TMEM132C: variants seen among roughly 807,000 people sequenced by gnomAD.
The protein encoded by TMEM132C is protein phosphatase 1, regulatory subunit 152.
TMEM132C carries 29 observed loss-of-function variants against 61.4 expected under a neutral mutation model. That is an observed-to-expected ratio of 0.47 (90% CI 0.35 to 0.64). TMEM132C has a LOEUF of 0.64. Among genes scored for constraint, TMEM132C ranks in the 30% least tolerant of loss-of-function variants. TMEM132C has a pLI of 0.00. For missense variants in TMEM132C, 1,408 were observed against 1,476.9 expected (o/e 0.95, Z 0.76); for synonymous variants, 656 against 633.1 (o/e 1.04, Z -0.54).
At chr12:128,619,365 T>C (rs1312428919) in intron 4 of TMEM132C, among the ~76,000 whole-genome samples, 1 of 152,168 alleles carries the variant, frequency 6.6e-6, no homozygotes, top group East Asian at 1.9e-4. Flanking sequence ...GCCACAGCAT[T>C]CCCCGTCACC....
chr12:128,704,321 G>A (rs746064956), intron 8 of TMEM132C, among the ~76,000 whole-genome samples: 1 of 152,110 alleles, frequency 6.6e-6, no homozygotes, highest in Non-Finnish European at 1.5e-5. Context: ...GAAGTATAGT[G>A]AGTCTGCAAA....
chr12:128,592,179 G>A (rs1004235604), intron 3 of TMEM132C, among the ~76,000 whole-genome samples: 1 of 152,172 alleles, frequency 6.6e-6, no homozygotes, highest in African/African-American at 2.4e-5. Flanking sequence ...GGGCCAGGCA[G>A]GCTCCAGGTC....
intron 1 of TMEM132C, among the ~76,000 whole-genome samples, chr12:128,348,983 C>G (rs1418830819): frequency 1.3e-5 from 2 of 151,826 alleles, no homozygotes; most frequent in East Asian, 3.9e-4. Flanking sequence ...ATTTGTAACC[C>G]TGAAGTGGTA....
intron 2 of TMEM132C, among the ~76,000 whole-genome samples, chr12:128,443,982 G>A (rs1262448253): frequency 6.6e-6 from 1 of 152,116 alleles, no homozygotes; most frequent in Non-Finnish European, 1.5e-5. Context: ...CAGTGCTGTG[G>A]TACCAGTCAT....
At chr12:128,600,229 A>G (rs7486929) in intron 3 of TMEM132C, among the ~76,000 whole-genome samples, 64,715 of 151,612 alleles carry the variant, frequency 0.43, 13,819 homozygotes, top group Middle Eastern at 0.53. Context: ...TGATCTGCCC[A>G]CCTCGGCCTC....
chr12:128,384,287 C>T (rs565977113), intron 1 of TMEM132C, among the ~76,000 whole-genome samples: 35 of 152,212 alleles, frequency 2.3e-4, no homozygotes, highest in Admixed American at 5.9e-4. Context: ...GATCTGGGGG[C>T]GCACCCTCCC....
chr12:128,275,613 C>A (rs1429119867), intron 1 of TMEM132C, among the ~76,000 whole-genome samples: 1 of 152,072 alleles, frequency 6.6e-6, no homozygotes, highest in Non-Finnish European at 1.5e-5. Flanking sequence ...ACAATCCCCC[C>A]ACCCCCTGGT....
chr12:128,571,173 A>C (rs1326538283), intron 3 of TMEM132C, among the ~76,000 whole-genome samples: 5 of 152,198 alleles, frequency 3.3e-5, no homozygotes, highest in Non-Finnish European at 7.3e-5. Context: ...GTAGAACAGA[A>C]ACTTGGAAAC....
intron 4 of TMEM132C, 110 bp downstream of exon 4, chr12:128,616,445 C>A: frequency 8.8e-7 from 1 of 1,141,258 alleles, no homozygotes; most frequent in Non-Finnish European, 1.2e-6. Context: ...GGAGTGTTTA[C>A]TTTCAAAGTT....
intron 2 of TMEM132C, among the ~76,000 whole-genome samples, chr12:128,468,174 A>C (rs1335353333): frequency 1.3e-5 from 2 of 152,136 alleles, no homozygotes; most frequent in Non-Finnish European, 2.9e-5. Context: ...AGCGGTCCAG[A>C]GGGAACACCA....
intron 1 of TMEM132C, among the ~76,000 whole-genome samples, chr12:128,353,569 CT>C (rs1458753857): frequency 1.3e-5 from 2 of 152,230 alleles, no homozygotes; most frequent in Non-Finnish European, 2.9e-5. Context: ...ATTGCCCCTA[CT>C]TTGCGCAGCT....
intron 3 of TMEM132C, among the ~76,000 whole-genome samples, chr12:128,600,981 A>G (rs998039763): frequency 1.3e-5 from 2 of 152,168 alleles, no homozygotes; most frequent in African/African-American, 2.4e-5. Flanking sequence ...ATCCTTTTGC[A>G]TAGTTAATTC....
intron 1 of TMEM132C, among the ~76,000 whole-genome samples, chr12:128,340,942 C>T (rs11059654): frequency 4.1e-4 from 38 of 92,336 alleles, no homozygotes; most frequent in South Asian, 1.5e-3. Flanking sequence ...CTCTCTCTCT[C>T]TCTTTCTTTC....
At chr12:128,657,175 TACTTGTGA>T (rs1219074697) in intron 4 of TMEM132C, among the ~76,000 whole-genome samples, 5 of 152,178 alleles carry the variant, frequency 3.3e-5, no homozygotes, top group Admixed American at 2.6e-4. Flanking sequence ...CATTTTGTCA[TACTTGTGA>T]ACTCCCTCAC....
intron 1 of TMEM132C, among the ~76,000 whole-genome samples, chr12:128,307,766 G>A (rs1456165495): frequency 6.6e-6 from 1 of 152,160 alleles, no homozygotes; most frequent in African/African-American, 2.4e-5. Flanking sequence ...TCAAGTCATC[G>A]TATTGCATGA....
At chr12:128,608,788 G>A (rs924160298) in intron 3 of TMEM132C, among the ~76,000 whole-genome samples, 3 of 152,222 alleles carry the variant, frequency 2.0e-5, no homozygotes, top group Non-Finnish European at 2.9e-5. Flanking sequence ...ATTTCCCCAC[G>A]TAATTATAAT....
chr12:128,418,350 G>A (rs4882696), intron 2 of TMEM132C, among the ~76,000 whole-genome samples: 3 of 151,898 alleles, frequency 2.0e-5, no homozygotes, highest in African/African-American at 2.4e-5. Context: ...TGTTACGGAC[G>A]GCGTACACAT....
At chr12:128,471,741 G>A (rs1870960429) in intron 2 of TMEM132C, among the ~76,000 whole-genome samples, 1 of 152,164 alleles carries the variant, frequency 6.6e-6, no homozygotes, top group African/African-American at 2.4e-5. Context: ...TCTAGAAAAT[G>A]TGAATAATGT....
chr12:128,543,714 C>T (rs1378757403), intron 2 of TMEM132C, among the ~76,000 whole-genome samples: 1 of 152,080 alleles, frequency 6.6e-6, no homozygotes, highest in Non-Finnish European at 1.5e-5. Context: ...TGGTGAATTC[C>T]AGGGGTCCTT....
Sources: gnomAD v4.1 joint callset for allele counts (sites outside exome capture counted in the v4.1 genomes callset) on GRCh38, gnomAD v4.1.1 for gene constraint, MANE v1.5 for transcripts, NCBI Gene and HGNC (gene_info 2026-07-23, HGNC 2026-07-21) for gene names.